The following SLC15A5 variants were observed in gnomAD, a reference collection of about 807,000 sequenced individuals.
SLC15A5 encodes Peptide/histidine transporter ENSP00000340402.
SLC15A5 carries 58 observed loss-of-function variants against 56.1 expected under a neutral mutation model. The observed-to-expected ratio is 1.03, with a 90% CI of 0.84 to 1.29. SLC15A5 has a LOEUF of 1.29. Among genes scored for constraint, SLC15A5 ranks in the 50% most tolerant of loss-of-function variants. The probability of loss-of-function intolerance (pLI) is 0.00; values close to 1 mark genes in which losing one functional copy is unlikely to be tolerated. For synonymous variants in SLC15A5, 264 were observed against 250.5 expected, an observed-to-expected ratio of 1.05 and a Z score of -0.51; for missense variants, 681 against 672.1, an observed-to-expected ratio of 1.01 and a Z score of -0.15.
chr12:16,203,451 T>C (rs1420650615), intron 7 of SLC15A5, among the ~76,000 whole-genome samples: 2 of 152,136 alleles, frequency 1.3e-5, no homozygotes, highest in African/African-American at 2.4e-5. Flanking sequence ...TGCACCCTAA[T>C]GATAGGTCCA....
rs1184998578 is a variant in SLC15A5, at chr12:16,194,449, A to G, written c.1488T>C (p.Asn496=). 2.0e-6 allele frequency: 3 copies of G among 1,530,058 alleles called. No individual in the cohort carries two copies. Among genetic ancestry groups the G allele is most frequent in the East Asian group, 2.5e-5 (1 of 40,802 alleles). 94.8% of individuals were successfully genotyped at this position (1,530,058 alleles called of 1,614,324 possible). ...VKLVYLISDG[N]WFPNTLNKGN... Reference sequence around the variant, plus strand: ...CTTTGTTTAATGTGTTTGGAAACCAATTGCCTGTTTGGAACAAATGTAATT... The same window carrying G: ...CTTTGTTTAATGTGTTTGGAAACCAGTTGCCTGTTTGGAACAAATGTAATT... The change falls in exon 8 of 9, where the codon AAT becomes AAC. Residue 496 remains asparagine (N), a synonymous_variant. Coordinates refer to ENST00000344941, the MANE Select transcript of SLC15A5 (RefSeq NM_001170798.1).
intron 3 of SLC15A5, among the ~76,000 whole-genome samples, chr12:16,246,897 C>A (rs190482742): frequency 6.6e-6 from 1 of 151,902 alleles, no homozygotes; most frequent in South Asian, 2.1e-4. Flanking sequence ...TGCTTTTCAA[C>A]CTGTGTTAAA....
chr12:16,201,451 T>C (rs751954276), intron 7 of SLC15A5, among the ~76,000 whole-genome samples: 6 of 152,102 alleles, frequency 3.9e-5, no homozygotes, highest in Non-Finnish European at 8.8e-5. Context: ...CAACTGATTT[T>C]TGACAAAGGT....
Position 16,272,827 on chromosome 12 carries a change from G to T in SLC15A5, c.362-44C>A, listed in dbSNP as rs770236779. 3 of 1,468,046 alleles carry T rather than the reference G, an allele frequency of 2.0e-6. No individual in the cohort carries two copies. In the South Asian group the frequency reaches 3.7e-5, roughly 18 times the overall value. 90.9% of individuals were successfully genotyped at this position (1,468,046 alleles called of 1,614,324 possible). On this transcript the variant is annotated intron_variant, in intron 1 of 8. Transcript: ENST00000344941. ...AAAGAGTAAATGTAGCATAGAACAAGTGGATCACCAAATCACATTTTAAAC... is the reference window on the plus strand; with the variant it reads ...AAAGAGTAAATGTAGCATAGAACAATTGGATCACCAAATCACATTTTAAAC...
intron 4 of SLC15A5, among the ~76,000 whole-genome samples, chr12:16,242,719 G>A (rs1002464248): frequency 6.6e-6 from 1 of 152,156 alleles, no homozygotes; most frequent in African/African-American, 2.4e-5. Context: ...ATATATGACA[G>A]TGTGCAAAGA....
chr12:16,214,386 A>C (rs1418227155), intron 7 of SLC15A5, among the ~76,000 whole-genome samples: 1 of 152,216 alleles, frequency 6.6e-6, no homozygotes, highest in Non-Finnish European at 1.5e-5. Context: ...CTAATGAGGC[A>C]ACTCAGAATG....
chr12:16,208,661 C>T, intron 7 of SLC15A5, among the ~76,000 whole-genome samples: 1 of 152,008 alleles, frequency 6.6e-6, no homozygotes, highest in Admixed American at 6.6e-5. Flanking sequence ...GGCAAGATCC[C>T]ATCTCTAAAA....
At chr12:16,197,077 G>A in intron 7 of SLC15A5, among the ~76,000 whole-genome samples, 1 of 145,808 alleles carries the variant, frequency 6.9e-6, no homozygotes. Flanking sequence ...TTGTGAGTGG[G>A]ATTATCTTAA....
chr12:16,190,163 A>C (rs1359317810), intron 8 of SLC15A5, among the ~76,000 whole-genome samples: 1 of 152,180 alleles, frequency 6.6e-6, no homozygotes, highest in East Asian at 1.9e-4. Context: ...GGAATTTGTA[A>C]ATTCAGTGCT....
At chr12:16,232,948 AGAAAGAAAGAAG>A (rs1374048939) in intron 5 of SLC15A5, among the ~76,000 whole-genome samples, 1 of 146,942 alleles carries the variant, frequency 6.8e-6, no homozygotes, top group African/African-American at 2.5e-5. Context: ...AGAGAGAGGA[AGAAAGAAAGAAG>A]GAAAGAAAGA....
intron 8 of SLC15A5, among the ~76,000 whole-genome samples, chr12:16,193,727 A>G (rs1863861132): frequency 6.7e-6 from 1 of 148,234 alleles, no homozygotes. Flanking sequence ...AGAGGCCCAG[A>G]GAGGTTAGAG....
intron 3 of SLC15A5, among the ~76,000 whole-genome samples, chr12:16,254,228 A>AAAG (rs1565671531): frequency 6.6e-6 from 1 of 152,034 alleles, no homozygotes; most frequent in Non-Finnish European, 1.5e-5. Flanking sequence ...CCTGTCTTTG[A>AAAG]AATAATAATA....
chr12:16,191,245 G>A (rs1361473867), intron 8 of SLC15A5, among the ~76,000 whole-genome samples: 2 of 152,048 alleles, frequency 1.3e-5, no homozygotes, highest in Non-Finnish European at 2.9e-5. Flanking sequence ...TAATGTCCCA[G>A]TAACCCTCAC....
At position 16,271,416 on chromosome 12, in the gene SLC15A5, T is replaced by G. The variant is rs1004674499; in HGVS notation, c.584+1145A>C. On this transcript the variant is annotated intron_variant, in intron 2 of 8. Coordinates refer to ENST00000344941, the MANE Select transcript of SLC15A5 (RefSeq NM_001170798.1). This position sits in a 1 kb window ranked among gnomAD's most constrained non-coding sequence, Gnocchi z 8.0. ...TAGAATAAAAAAGAAGGATTTTTCT[T>G]TCTCCTTTGGGCAGGTCAAGGAGGC... Among the ~76,000 whole-genome samples, 1 of 152,170 alleles carries G rather than the reference T, an allele frequency of 6.6e-6. No homozygotes were observed. Among genetic ancestry groups the G allele is most frequent in the Non-Finnish European group, 1.5e-5 (1 of 68,028 alleles).
chr12:16,217,641 A>G (rs1291448897), intron 6 of SLC15A5, among the ~76,000 whole-genome samples: 2 of 152,188 alleles, frequency 1.3e-5, no homozygotes, highest in South Asian at 2.1e-4. Context: ...TAAAGTGCTT[A>G]GTACAATGCT....
At chr12:16,207,537 G>A (rs1864032792) in intron 7 of SLC15A5, among the ~76,000 whole-genome samples, 3 of 152,112 alleles carry the variant, frequency 2.0e-5, no homozygotes, top group Non-Finnish European at 1.5e-5. Flanking sequence ...CTTTATGACT[G>A]CATTGAGCTT....
In SLC15A5 at chr12:16,202,161, T is replaced by C. The variant is rs112052008; in HGVS notation, c.1484-7708A>G. ...CAAAGGAAATAACAGAGTGAAGAGA[T>C]AACCCACAGATTGGGAAAAATATTT... On this transcript the variant is annotated intron_variant, in intron 7 of 8. Transcript: ENST00000344941. Among the ~76,000 whole-genome samples the C allele has an allele frequency of 2.9e-3, 446 of 152,190 alleles. 2 individuals carry two copies. Among genetic ancestry groups the C allele is most frequent in the African/African-American group, 9.6e-3 (400 of 41,542 alleles).
Position 16,243,207 on chromosome 12 carries a change from T to G in SLC15A5, c.975+1373A>C, listed in dbSNP as rs924060020. ...TAAATTTTATATATTTTTCTTTGCT[T>G]TTTCTCTTTTTTTTTTTTTTGAGAT... On this transcript the variant is annotated intron_variant, in intron 4 of 8. Transcript: ENST00000344941. The surrounding 1 kb of genome is among the most constrained non-coding windows in gnomAD (Gnocchi z 4.4). Among the ~76,000 whole-genome samples, 1 of 62,436 alleles carries G rather than the reference T, an allele frequency of 1.6e-5. No individual in the cohort carries two copies. Among genetic ancestry groups the G allele is most frequent in the Non-Finnish European group, 2.7e-5 (1 of 37,516 alleles). The allele number at this position is 62,436 out of a possible 152,430, so 41.0% of individuals were successfully genotyped here. A position where few individuals can be genotyped will look rare whatever the true frequency, so the allele number is the denominator to read the frequency against.
intron 2 of SLC15A5, among the ~76,000 whole-genome samples, chr12:16,258,378 T>A (rs1046564122): frequency 2.0e-5 from 3 of 152,026 alleles, no homozygotes; most frequent in Admixed American, 6.6e-5. Context: ...AAGAAATGAG[T>A]GACATTTGAA....
Sources: gnomAD v4.1 joint callset for allele counts (sites outside exome capture counted in the v4.1 genomes callset) on GRCh38, gnomAD v4.1.1 for gene constraint, Gnocchi (gnomAD v3.1) non-coding constraint, MANE v1.5 for transcripts, NCBI Gene and HGNC (gene_info 2026-07-23, HGNC 2026-07-21) for gene names.